Variants in SDK1 observed in about 807,000 individuals in gnomAD.
The protein encoded by SDK1 is protein sidekick-1.
A neutral mutation model predicts 245.5 loss-of-function variants in SDK1; 157 were observed. The ratio of observed to expected loss-of-function variants is 0.64; its 90% CI spans 0.56 to 0.73. The LOEUF is 0.73. SDK1 is among the 30% of genes least tolerant of loss of function. The pLI, the probability that SDK1 is intolerant of heterozygous loss-of-function variation, is 0.00. For missense variants in SDK1, 3,583 were observed against 3,002.3 expected, an observed-to-expected ratio of 1.19 and a Z score of -4.52; for synonymous variants, 1,647 against 1,278.5, an observed-to-expected ratio of 1.29 and a Z score of -6.15.
chr7:3,796,930 A>T (rs1406528356), intron 4 of SDK1, among the ~76,000 whole-genome samples: 1 of 152,162 alleles, frequency 6.6e-6, no homozygotes, highest in Non-Finnish European at 1.5e-5. Flanking sequence ...ATACTTAACT[A>T]AGTTTTATTT....
At chr7:3,989,824 C>T (rs1784162101) in intron 14 of SDK1, among the ~76,000 whole-genome samples, 1 of 152,242 alleles carries the variant, frequency 6.6e-6, no homozygotes, top group South Asian at 2.1e-4. Context: ...GGGTTCCCTT[C>T]TGATAATACT....
At chr7:4,074,910 ATATATATTTT>A (rs1230352953) in intron 20 of SDK1, among the ~76,000 whole-genome samples, 10 of 77,200 alleles carry the variant, frequency 1.3e-4, no homozygotes, top group South Asian at 8.9e-4. Context: ...ATATATATAT[ATATATATTTT>A]TTTTTTTTTT....
At chr7:3,609,824 A>C (rs2128641698) in intron 1 of SDK1, among the ~76,000 whole-genome samples, 1 of 151,330 alleles carries the variant, frequency 6.6e-6, no homozygotes, top group Middle Eastern at 3.4e-3. Flanking sequence ...CCTCAGACTC[A>C]CAGGTAGCTG....
At chr7:3,689,720 T>C (rs868824209) in intron 4 of SDK1, among the ~76,000 whole-genome samples, 5 of 152,212 alleles carry the variant, frequency 3.3e-5, no homozygotes, top group African/African-American at 7.2e-5. Flanking sequence ...ATGAAAAATA[T>C]AAGGCTTTTG....
chr7:4,153,208 C>T (rs1018572923), intron 30 of SDK1, among the ~76,000 whole-genome samples: 1 of 150,434 alleles, frequency 6.6e-6, no homozygotes, highest in Non-Finnish European at 1.5e-5. Context: ...ATGTCAGCAC[C>T]ACGGCCCTAG....
At chr7:3,518,157 G>A (rs1396640898) in intron 1 of SDK1, among the ~76,000 whole-genome samples, 1 of 152,048 alleles carries the variant, frequency 6.6e-6, no homozygotes, top group Non-Finnish European at 1.5e-5. Flanking sequence ...TTGAGTATGA[G>A]GCAGGAAAAT....
At chr7:3,335,948 C>G (rs572887611) in intron 1 of SDK1, among the ~76,000 whole-genome samples, 78 of 152,094 alleles carry the variant, frequency 5.1e-4, no homozygotes, top group Non-Finnish European at 8.2e-4. Context: ...TGTGGCCACT[C>G]TAGAGTCCTG....
intron 1 of SDK1, among the ~76,000 whole-genome samples, chr7:3,598,080 C>G (rs955504837): frequency 1.7e-4 from 26 of 152,146 alleles, no homozygotes; most frequent in Non-Finnish European, 2.9e-5. Context: ...AGTTGCTACA[C>G]CTATTTGCCT....
intron 4 of SDK1, among the ~76,000 whole-genome samples, chr7:3,797,376 A>G (rs1778986812): frequency 6.6e-6 from 1 of 151,870 alleles, no homozygotes; most frequent in African/African-American, 2.4e-5. Flanking sequence ...ACATATATAA[A>G]TAAGCTAATG....
rs1162431362 is a variant in SDK1 at position 4,266,730 on chromosome 7, C to G, written c.*1346C>G. 1 of 985,386 alleles carries G rather than the reference C, an allele frequency of 1.0e-6. No individual in the cohort carries two copies. The highest frequency in any genetic ancestry group is 1.1e-4 in the East Asian group (1 of 8,826). 61.0% of individuals were successfully genotyped at this position (985,386 alleles called of 1,614,324 possible). On this transcript the variant is annotated 3_prime_UTR_variant, in exon 45 of 45. Coordinates refer to ENST00000404826, the MANE Select transcript of SDK1 (RefSeq NM_152744.4). Reference sequence around the variant, plus strand: ...GACGACTGGGCTGCCATGGTCCACCCCTCAGCCCGGGTCCCGGGTCTGGAT... The same window carrying G: ...GACGACTGGGCTGCCATGGTCCACCGCTCAGCCCGGGTCCCGGGTCTGGAT...
intron 1 of SDK1, among the ~76,000 whole-genome samples, chr7:3,537,879 C>A (rs1479370911): frequency 6.6e-6 from 1 of 152,150 alleles, no homozygotes; most frequent in Non-Finnish European, 1.5e-5. Flanking sequence ...AGGTAATCTC[C>A]CTGTTTTCAG....
rs149705053 is a variant in SDK1, at chr7:3,680,527, G to A, written c.713+38422G>A. ...GGGTGTTGTTCCAATGACTATGCAG[G>A]TTTTGATATTGTACCATAGTTACAT... is the stretch of plus-strand genomic sequence containing the variant. On this transcript the variant is annotated intron_variant, in intron 4 of 44. Transcript: ENST00000404826. 3.8e-3 allele frequency among the ~76,000 whole-genome samples: 584 copies of A among 152,294 alleles called. 1 individual carries two copies. The highest frequency in any genetic ancestry group is 0.013 in the African/African-American group (550 of 41,556).
rs115943469 is a variant in SDK1 at position 3,681,824 on chromosome 7, A to G, written c.713+39719A>G. Among the ~76,000 whole-genome samples, 181 of 152,318 alleles carry G rather than the reference A, an allele frequency of 1.2e-3. 1 individual carries two copies. Among genetic ancestry groups the G allele is most frequent in the African/African-American group, 4.2e-3 (176 of 41,574 alleles). ...TTTCCTTTCACATGAATTGGATTAG[A>G]ACAAACAGAGGTATAACATTTTTTT... On this transcript the variant is annotated intron_variant, in intron 4 of 44. Coordinates refer to ENST00000404826, the MANE Select transcript of SDK1 (RefSeq NM_152744.4).
chr7:3,661,444 G>A (rs1583282700), intron 4 of SDK1, among the ~76,000 whole-genome samples: 2 of 152,170 alleles, frequency 1.3e-5, no homozygotes, highest in African/African-American at 2.4e-5. Flanking sequence ...TGAGTGGAAT[G>A]TCTAGTTGTG....
At chr7:4,102,237 C>A (rs1782602329) in intron 22 of SDK1, among the ~76,000 whole-genome samples, 7 of 152,080 alleles carry the variant, frequency 4.6e-5, no homozygotes. Context: ...TACCAGAAGC[C>A]CCCATCTGTC....
rs188935934 is a variant in SDK1 at position 3,719,908 on chromosome 7, C to T, written c.713+77803C>T. 1.9e-3 allele frequency among the ~76,000 whole-genome samples: 286 copies of T among 150,878 alleles called. 1 individual carries two copies. Among genetic ancestry groups the T allele is most frequent in the African/African-American group, 4.4e-3 (180 of 40,976 alleles). On this transcript the variant is annotated intron_variant, in intron 4 of 44. Transcript: ENST00000404826. ...AAGAGAATTGCTTGAACCCGGGAGG[C>T]GGAAGTTGCAGTGAGCCGAGATCGT...
intron 1 of SDK1, among the ~76,000 whole-genome samples, chr7:3,473,809 T>C (rs1169641763): frequency 6.6e-6 from 1 of 152,174 alleles, no homozygotes; most frequent in Non-Finnish European, 1.5e-5. Context: ...GAACATGAGC[T>C]GAAAATTTTA....
At chr7:3,330,807 T>TA (rs35013618) in intron 1 of SDK1, among the ~76,000 whole-genome samples, 62,486 of 115,006 alleles carry the variant, frequency 0.54, 17,574 homozygotes, top group East Asian at 0.81. Context: ...CCATTTCGCT[T>TA]AAAAAAAAAA....
intron 5 of SDK1, among the ~76,000 whole-genome samples, chr7:3,833,769 T>C (rs767710958): frequency 3.3e-5 from 5 of 152,234 alleles, no homozygotes; most frequent in Non-Finnish European, 7.3e-5. Flanking sequence ...TCTGAGTCTT[T>C]TGTTTCTTTG....
Sources: allele counts gnomAD v4.1 joint callset (sites outside exome capture counted in the v4.1 genomes callset), GRCh38; gene constraint gnomAD v4.1.1; transcripts MANE v1.5; gene names NCBI Gene and HGNC (gene_info 2026-07-23, HGNC 2026-07-21).